Variants in LNX1 observed in about 807,000 individuals in gnomAD.
LNX1 encodes the protein E3 ubiquitin-protein ligase LNX.
Under a neutral mutation model 68.4 loss-of-function variants are expected in LNX1, and 54 were observed. The ratio of observed to expected loss-of-function variants is 0.79; its 90% CI spans 0.63 to 0.99. The LOEUF (loss-of-function observed/expected upper bound fraction) is 0.99. Among genes scored for constraint, LNX1 ranks in the 50% least tolerant of loss-of-function variants. The pLI, the probability that LNX1 is intolerant of heterozygous loss-of-function variation, is 0.00. For missense variants in LNX1, 906 were observed against 926.4 expected, an observed-to-expected ratio of 0.98 and a Z score of 0.29; for synonymous variants, 336 against 350.0, an observed-to-expected ratio of 0.96 and a Z score of 0.45.
intron 2 of LNX1, among the ~76,000 whole-genome samples, chr4:53,554,044 G>A (rs1299129280): frequency 1.3e-5 from 2 of 152,218 alleles, no homozygotes; most frequent in African/African-American, 2.4e-5. Context: ...CCCAGGAAAC[G>A]TGGGCTGTAT....
chr4:53,551,683 C>A, intron 2 of LNX1, among the ~76,000 whole-genome samples: 1 of 152,082 alleles, frequency 6.6e-6, no homozygotes, highest in East Asian at 1.9e-4. Flanking sequence ...TATGAAACAC[C>A]AAGTCAAAGG....
intron 1 of LNX1, among the ~76,000 whole-genome samples, chr4:53,581,099 C>G (rs1731807562): frequency 6.6e-6 from 1 of 152,082 alleles, no homozygotes; most frequent in Non-Finnish European, 1.5e-5. Flanking sequence ...ACCCCACCCC[C>G]AAAAGATGCA....
At chr4:53,468,673 A>T (rs1412690230) in intron 9 of LNX1, among the ~76,000 whole-genome samples, 1 of 152,246 alleles carries the variant, frequency 6.6e-6, no homozygotes, top group Non-Finnish European at 1.5e-5. Context: ...AAACAAAAAA[A>T]GACAGGGGTT....
chr4:53,540,991 G>A (rs1728721876), intron 2 of LNX1, among the ~76,000 whole-genome samples: 1 of 151,944 alleles, frequency 6.6e-6, no homozygotes, highest in East Asian at 1.9e-4. Context: ...ACAAAAATTA[G>A]TTGGGTATGT....
chr4:53,628,354 A>C (rs981716389), intron 1 of LNX1, among the ~76,000 whole-genome samples: 2 of 152,230 alleles, frequency 1.3e-5, no homozygotes, highest in Admixed American at 1.3e-4. Context: ...ATTTCTCAAA[A>C]AAAGTTATAC....
chr4:53,497,561 G>A (rs1311680174), intron 5 of LNX1, among the ~76,000 whole-genome samples: 3 of 152,234 alleles, frequency 2.0e-5, no homozygotes, highest in African/African-American at 7.2e-5. Flanking sequence ...TCTGGGCCCA[G>A]AGAAGGTCAG....
intron 4 of LNX1, among the ~76,000 whole-genome samples, chr4:53,505,774 G>A (rs1328268649): frequency 6.6e-6 from 1 of 152,176 alleles, no homozygotes; most frequent in Non-Finnish European, 1.5e-5. Flanking sequence ...GCTGATACAG[G>A]TGCTTCAAAA....
At chr4:53,620,636 C>G (rs959073073), upstream of LNX1, among the ~76,000 whole-genome samples, 42 of 151,768 alleles carry the variant, frequency 2.8e-4, no homozygotes, top group African/African-American at 1.0e-3. Flanking sequence ...ACTGAAGTCC[C>G]GGATTTCACC....
intron 6 of LNX1, among the ~76,000 whole-genome samples, chr4:53,485,868 T>C (rs6554109): frequency 0.7 from 107,158 of 152,084 alleles, 39,162 homozygotes; most frequent in Non-Finnish European, 0.81. Context: ...TTCACACCTA[T>C]GTGATATGTA....
chr4:53,543,397 GAT>G (rs920567678), intron 2 of LNX1, among the ~76,000 whole-genome samples: 1 of 152,198 alleles, frequency 6.6e-6, no homozygotes, highest in African/African-American at 2.4e-5. Flanking sequence ...GAACATGCCT[GAT>G]ATGTCATACA....
chr4:53,565,188 G>T (rs1408820046), intron 2 of LNX1, among the ~76,000 whole-genome samples: 1 of 152,134 alleles, frequency 6.6e-6, no homozygotes, highest in East Asian at 1.9e-4. Flanking sequence ...CTCCACCTCT[G>T]GGGGCAGGGC....
At position 53,460,722 on chromosome 4, in the gene LNX1, A is replaced by AGTT. The variant is rs1031881253; in HGVS notation, c.*182_*184dup. 22 of 562,478 alleles carry AGTT rather than the reference A, an allele frequency of 3.9e-5. No homozygotes were observed. Among genetic ancestry groups the AGTT allele is most frequent in the Admixed American group, 7.7e-5 (2 of 25,886 alleles). 34.8% of individuals were successfully genotyped at this position (562,478 alleles called of 1,614,324 possible). On this transcript the variant is annotated 3_prime_UTR_variant, in exon 11 of 11. Coordinates refer to ENST00000263925, the MANE Select transcript of LNX1 (RefSeq NM_001126328.3). ...TCCTCCACACTGAAAAAAAACTAGT[A>AGTT]GTTTTAATTTTTTTGGAATCATATT...
intron 5 of LNX1, 182 bp from the exon 6 acceptor site, chr4:53,496,576 C>CCTGGAGAGGTG: frequency 3.1e-6 from 2 of 650,258 alleles, no homozygotes; most frequent in Non-Finnish European, 5.1e-6. Context: ...CCAAGCGTGG[C>CCTGGAGAGGTG]CTGCAGCACC....
At chr4:53,490,758 T>C (rs1724624706) in intron 6 of LNX1, among the ~76,000 whole-genome samples, 1 of 152,212 alleles carries the variant, frequency 6.6e-6, no homozygotes. Context: ...AATTTGAGTC[T>C]CAACATTTGA....
chr4:53,501,299 T>TGG (rs1553932749), intron 4 of LNX1, among the ~76,000 whole-genome samples: 669 of 38,798 alleles, frequency 0.017, 23 homozygotes, highest in African/African-American at 0.039. Flanking sequence ...TTTTTTTTTT[T>TGG]GGGGGTGGGG....
chr4:53,563,314 C>T (rs976701790), intron 2 of LNX1, among the ~76,000 whole-genome samples: 2 of 152,180 alleles, frequency 1.3e-5, no homozygotes, highest in African/African-American at 4.8e-5. Context: ...AAAGCTATGA[C>T]AAGACTCCCA....
intron 4 of LNX1, among the ~76,000 whole-genome samples, chr4:53,504,995 G>A (rs1725772292): frequency 6.6e-6 from 1 of 152,194 alleles, no homozygotes; most frequent in Non-Finnish European, 1.5e-5. Context: ...ATGTGACACA[G>A]AGACATGAAG....
intron 6 of LNX1, among the ~76,000 whole-genome samples, chr4:53,489,566 A>AT (rs1724546993): frequency 6.6e-6 from 1 of 152,048 alleles, no homozygotes; most frequent in Non-Finnish European, 1.5e-5. Flanking sequence ...GTTCTATAAA[A>AT]ATATATATAT....
intron 2 of LNX1, among the ~76,000 whole-genome samples, chr4:53,515,193 G>A (rs1726668898): frequency 6.6e-6 from 1 of 152,176 alleles, no homozygotes; most frequent in African/African-American, 2.4e-5. Flanking sequence ...CCAGAGAAGT[G>A]TTGGCTCATG....
Sources: gnomAD v4.1 joint callset for allele counts (sites outside exome capture counted in the v4.1 genomes callset) on GRCh38, gnomAD v4.1.1 for gene constraint, MANE v1.5 for transcripts, NCBI Gene and HGNC (gene_info 2026-07-23, HGNC 2026-07-21) for gene names.